The following MACROD2 variants were observed in gnomAD, a reference collection of about 807,000 sequenced individuals.
MACROD2 encodes mono-ADP ribosylhydrolase 2, also known as ADP-ribose glycohydrolase MACROD2.
Under a neutral mutation model 70.4 loss-of-function variants are expected in MACROD2, and 36 were observed. That is an observed-to-expected ratio of 0.51 (90% CI 0.39 to 0.68). The LOEUF (loss-of-function observed/expected upper bound fraction) is 0.68. MACROD2 is among the 30% of genes least tolerant of loss of function. The probability of loss-of-function intolerance (pLI) is 0.00; values close to 1 mark genes in which losing one functional copy is unlikely to be tolerated. For synonymous variants in MACROD2, 172 were observed against 178.8 expected (o/e 0.96, Z 0.30); for missense variants, 496 against 538.4 (o/e 0.92, Z 0.78).
chr20:15,917,371 A>G (rs1025359608), intron 10 of MACROD2, among the ~76,000 whole-genome samples: 1 of 152,212 alleles, frequency 6.6e-6, no homozygotes, highest in African/African-American at 2.4e-5. Flanking sequence ...CTGCAGGGTT[A>G]TGGTCTCAGA....
intron 15 of MACROD2, among the ~76,000 whole-genome samples, chr20:16,019,604 G>C (rs17644136): frequency 0.028 from 4,299 of 152,222 alleles, 94 homozygotes; most frequent in Non-Finnish European, 0.043. Flanking sequence ...ATTCCTTCTT[G>C]TGCATCTTGT....
chr20:15,772,104 ATATATATATAT>A, intron 8 of MACROD2, among the ~76,000 whole-genome samples: 1 of 78,188 alleles, frequency 1.3e-5, no homozygotes, highest in Non-Finnish European at 2.2e-5. Context: ...AAAAAAAAAT[ATATATATATAT>A]ATATATATAT....
At chr20:15,181,239 A>T (rs1395854722) in intron 5 of MACROD2, among the ~76,000 whole-genome samples, 1 of 152,216 alleles carries the variant, frequency 6.6e-6, no homozygotes, top group Non-Finnish European at 1.5e-5. Context: ...TGCATTGATT[A>T]TATTTATTGA....
intron 5 of MACROD2, among the ~76,000 whole-genome samples, chr20:15,050,854 A>C (rs1261548975): frequency 6.6e-6 from 1 of 152,074 alleles, no homozygotes; most frequent in Non-Finnish European, 1.5e-5. Context: ...ATTTATACAT[A>C]TATGTAAATT....
intron 4 of MACROD2, among the ~76,000 whole-genome samples, chr20:14,564,331 A>G (rs1031237769): frequency 2.0e-5 from 3 of 151,900 alleles, no homozygotes; most frequent in Non-Finnish European, 4.4e-5. Flanking sequence ...AACAACAAAA[A>G]CGAAAATAGA....
At chr20:14,802,387 T>C (rs2072587404) in intron 5 of MACROD2, among the ~76,000 whole-genome samples, 1 of 152,064 alleles carries the variant, frequency 6.6e-6, no homozygotes, top group African/African-American at 2.4e-5. Context: ...GACTTAAAGA[T>C]CTAGAATGAC....
chr20:15,257,092 CT>C (rs2077206091), intron 6 of MACROD2, among the ~76,000 whole-genome samples: 1 of 151,888 alleles, frequency 6.6e-6, no homozygotes, highest in African/African-American at 2.4e-5. Context: ...TTTTTTTACT[CT>C]GGATTACGGT....
chr20:14,205,453 T>C (rs2081515246), intron 3 of MACROD2, among the ~76,000 whole-genome samples: 1 of 152,164 alleles, frequency 6.6e-6, no homozygotes, highest in Non-Finnish European at 1.5e-5. Context: ...ACCAATACTT[T>C]GTTATAAAAG....
At chr20:15,939,195 C>G (rs1568655165) in intron 12 of MACROD2, among the ~76,000 whole-genome samples, 1 of 152,216 alleles carries the variant, frequency 6.6e-6, no homozygotes, top group Non-Finnish European at 1.5e-5. Flanking sequence ...GGTGGCTACA[C>G]TAAGCAACAG....
intron 5 of MACROD2, among the ~76,000 whole-genome samples, chr20:14,864,252 G>A (rs1251230838): frequency 1.3e-5 from 2 of 152,082 alleles, no homozygotes; most frequent in Non-Finnish European, 2.9e-5. Flanking sequence ...TTTGTCCAGA[G>A]AATCTGACTT....
At chr20:14,412,402 T>C (rs1276128726) in intron 3 of MACROD2, among the ~76,000 whole-genome samples, 1 of 151,156 alleles carries the variant, frequency 6.6e-6, no homozygotes, top group Non-Finnish European at 1.5e-5. Flanking sequence ...ATAGGCTGTT[T>C]TCCATTGGCA....
chr20:14,210,903 G>A (rs979890893), intron 3 of MACROD2, among the ~76,000 whole-genome samples: 1 of 152,126 alleles, frequency 6.6e-6, no homozygotes, highest in Non-Finnish European at 1.5e-5. Context: ...ACAAGTTAAC[G>A]CTGAGAACAC....
chr20:15,580,887 C>T (rs2146646130), intron 8 of MACROD2, among the ~76,000 whole-genome samples: 1 of 152,212 alleles, frequency 6.6e-6, no homozygotes, highest in East Asian at 1.9e-4. Context: ...GAAGAATACA[C>T]AATGGCATAG....
intron 15 of MACROD2, among the ~76,000 whole-genome samples, chr20:16,019,738 G>T (rs1334749366): frequency 6.6e-6 from 1 of 152,196 alleles, no homozygotes; most frequent in Non-Finnish European, 1.5e-5. Context: ...CTGAATGACA[G>T]GCTGTGAGAG....
intron 3 of MACROD2, chr20:14,327,551 T>A: frequency 6.5e-7 from 1 of 1,545,410 alleles, no homozygotes; most frequent in Non-Finnish European, 8.7e-7. Flanking sequence ...TTCCGTTACT[T>A]CAGAACCCTA....
rs867432295 is a variant in MACROD2, at chr20:15,348,546, C to T, written c.541-82859C>T. On this transcript the variant is annotated intron_variant, in intron 6 of 17. Coordinates refer to ENST00000684519, the MANE Select transcript of MACROD2 (RefSeq NM_001351661.2). ...TCTGTTCTCATGCTGCTAATAAAGA[C>T]GTACTCAAAACTGGGTAATTTATAA... Among the ~76,000 whole-genome samples, 8 of 152,108 alleles carry T rather than the reference C, an allele frequency of 5.3e-5. No homozygotes were observed. In the South Asian group the frequency reaches 6.2e-4, roughly 12 times the overall value.
At chr20:14,716,246 G>A (rs947260070) in intron 5 of MACROD2, among the ~76,000 whole-genome samples, 2 of 152,056 alleles carry the variant, frequency 1.3e-5, no homozygotes, top group Admixed American at 6.6e-5. Context: ...AGTTGTCTTG[G>A]GATATATCTC....
chr20:14,924,668 T>TTCC (rs753448458), intron 5 of MACROD2, among the ~76,000 whole-genome samples: 37 of 152,140 alleles, frequency 2.4e-4, no homozygotes, highest in Admixed American at 4.6e-4. Context: ...ACTGTCCAAG[T>TTCC]GGGAAACAGG....
At chr20:15,236,006 T>C (rs995359070) in intron 6 of MACROD2, among the ~76,000 whole-genome samples, 3 of 152,214 alleles carry the variant, frequency 2.0e-5, no homozygotes, top group Non-Finnish European at 2.9e-5. Context: ...TTCTAACAGC[T>C]GTGTGACTAA....
Sources: gnomAD v4.1 joint callset for allele counts (sites outside exome capture counted in the v4.1 genomes callset) on GRCh38, gnomAD v4.1.1 for gene constraint, MANE v1.5 for transcripts, NCBI Gene and HGNC (gene_info 2026-07-23, HGNC 2026-07-21) for gene names.